Variants in DCLK2 observed in about 807,000 individuals in gnomAD.
DCLK2 encodes the protein doublecortin like kinase 2.
In DCLK2, 31 loss-of-function variants were observed where a neutral mutation model predicts 78.4. The ratio of observed to expected loss-of-function variants is 0.40; its 90% CI spans 0.30 to 0.53. DCLK2 has a LOEUF of 0.53. Ranked by LOEUF, DCLK2 falls within the 20% of genes least tolerant of loss-of-function variation. The pLI, the probability that DCLK2 is intolerant of heterozygous loss-of-function variation, is 0.61. For missense variants in DCLK2, 872 were observed against 973.7 expected, an observed-to-expected ratio of 0.90 and a Z score of 1.39; for synonymous variants, 407 against 374.9, an observed-to-expected ratio of 1.09 and a Z score of -0.99.
chr4:150,104,094 A>G (rs1013605109), intron 2 of DCLK2, among the ~76,000 whole-genome samples: 1 of 152,114 alleles, frequency 6.6e-6, no homozygotes, highest in African/African-American at 2.4e-5. Context: ...ATACCTAACC[A>G]AAGAAAAAAA....
intron 2 of DCLK2, among the ~76,000 whole-genome samples, chr4:150,187,188 A>G (rs1356158662): frequency 6.6e-6 from 1 of 152,012 alleles, no homozygotes; most frequent in Non-Finnish European, 1.5e-5. Flanking sequence ...GATTTTTGAG[A>G]CAGAGTCTTG....
chr4:150,252,151 T>C (rs1464530410), intron 15 of DCLK2, among the ~76,000 whole-genome samples: 1 of 152,226 alleles, frequency 6.6e-6, no homozygotes, highest in Non-Finnish European at 1.5e-5. Flanking sequence ...ACCATCTTGA[T>C]TGAGCCAACA....
Position 150,239,813 on chromosome 4 carries a change from C to T in DCLK2, c.1638C>T (p.Gly546=), listed in dbSNP as rs1275348739. 3 of 1,614,048 alleles carry T rather than the reference C, an allele frequency of 1.9e-6. No homozygotes were observed. In the African/African-American group the frequency reaches 4.0e-5, roughly 22 times the overall value. ...TTGGGCTTGCGACTGTGGTAGAAGG[C>T]CCTTTATACACAGTCTGTGGCACAC... ...GDFGLATVVE[G]PLYTVCGTPT... The change falls in exon 11 of 16, where the codon GGC becomes GGT. Residue 546 remains glycine, a synonymous_variant. Coordinates refer to ENST00000296550, the MANE Select transcript of DCLK2 (RefSeq NM_001040260.4).
At chr4:150,217,447 A>G (rs35861079) in intron 5 of DCLK2, among the ~76,000 whole-genome samples, 17,958 of 152,212 alleles carry the variant, frequency 0.12, 1,692 homozygotes, top group South Asian at 0.49. Context: ...AGCGATTCAA[A>G]CACAAGCTCA....
rs1349456608 is a variant in DCLK2, at chr4:150,116,981, C to T, written c.756+14169C>T. Among the ~76,000 whole-genome samples the T allele has an allele frequency of 5.3e-5, 8 of 152,066 alleles. No homozygotes were observed. In the South Asian group the frequency reaches 6.2e-4, roughly 12 times the overall value. ...TTATCCAGGGGAGATACTCTGGTGT[C>T]TTAGGCGATGGGCAGTGCCATAAGG... On this transcript the variant is annotated intron_variant, in intron 2 of 15. Coordinates refer to ENST00000296550, the MANE Select transcript of DCLK2 (RefSeq NM_001040260.4).
At chr4:150,187,562 T>C (rs1209539100) in intron 2 of DCLK2, among the ~76,000 whole-genome samples, 1 of 152,198 alleles carries the variant, frequency 6.6e-6, no homozygotes, top group Non-Finnish European at 1.5e-5. Context: ...CCTTCTGTGC[T>C]CTTTATCTTC....
Position 150,080,116 on chromosome 4 carries a change from C to A in DCLK2, c.421+668C>A, listed in dbSNP as rs560388895. Among the ~76,000 whole-genome samples, 15 of 150,126 alleles carry A rather than the reference C, an allele frequency of 1.0e-4. 1 individual carries two copies. The highest frequency in any genetic ancestry group is 9.2e-4 in the Admixed American group (14 of 15,146). ...AGGCGTCTGGAGTCTCAAAAGCCCC[C>A]CCCCCAGGTGATTCTAATGTGGGAC... On this transcript the variant is annotated intron_variant, in intron 1 of 15. Transcript: ENST00000296550.
At chr4:150,232,974 C>T in intron 10 of DCLK2, 146 bp downstream of exon 10, 1 of 994,456 alleles carries the variant, frequency 1.0e-6, no homozygotes, top group East Asian at 2.5e-5. Context: ...ATGTCAATGA[C>T]CATCAAATAC....
At chr4:150,220,631 G>A (rs1441282399) in intron 5 of DCLK2, 72 bp from the exon 6 acceptor site, 8 of 1,260,516 alleles carry the variant, frequency 6.3e-6, no homozygotes, top group South Asian at 3.8e-5. Context: ...TAAGCATTTT[G>A]TGTGTCAACG....
intron 2 of DCLK2, among the ~76,000 whole-genome samples, chr4:150,176,043 A>G (rs1425715375): frequency 6.6e-6 from 1 of 152,274 alleles, no homozygotes; most frequent in East Asian, 1.9e-4. Context: ...GCTGGAATTT[A>G]TTGCGGAAGT....
intron 10 of DCLK2, among the ~76,000 whole-genome samples, 170 bp downstream of exon 10, chr4:150,232,998 G>A (rs1742200532): frequency 6.6e-6 from 1 of 152,142 alleles, no homozygotes; most frequent in African/African-American, 2.4e-5. Flanking sequence ...TGGAGTTCTT[G>A]AATTTTTCTG....
intron 2 of DCLK2, among the ~76,000 whole-genome samples, chr4:150,148,304 G>T (rs186902652): frequency 2.0e-5 from 3 of 152,132 alleles, no homozygotes; most frequent in Non-Finnish European, 4.4e-5. Context: ...GGTTGAGGCT[G>T]TAGTGAGCTG....
At chr4:150,117,838 C>T (rs1281737421) in intron 2 of DCLK2, among the ~76,000 whole-genome samples, 1 of 152,152 alleles carries the variant, frequency 6.6e-6, no homozygotes, top group Non-Finnish European at 1.5e-5. Flanking sequence ...TCCTCTGTTG[C>T]TTCTTGGAAA....
At chr4:150,202,703 C>T (rs1283303608) in intron 4 of DCLK2, among the ~76,000 whole-genome samples, 1 of 152,106 alleles carries the variant, frequency 6.6e-6, no homozygotes, top group East Asian at 1.9e-4. Context: ...AGCAAATGAG[C>T]ATCTCTTTTC....
intron 15 of DCLK2, among the ~76,000 whole-genome samples, chr4:150,253,097 GTCCTCCTCATCCTCCTCA>G (rs56775129): frequency 1.5e-4 from 22 of 146,660 alleles, no homozygotes; most frequent in African/African-American, 2.7e-4. Flanking sequence ...CATCCTCCTC[GTCCTCCTCATCCTCCTCA>G]TCCTCCTCAT....
intron 1 of DCLK2, among the ~76,000 whole-genome samples, chr4:150,080,468 A>G (rs1729177712): frequency 6.6e-6 from 1 of 152,168 alleles, no homozygotes; most frequent in Admixed American, 6.5e-5. Context: ...ACCAGGCAGA[A>G]CCCAGGTATG....
intron 1 of DCLK2, among the ~76,000 whole-genome samples, chr4:150,091,804 T>C (rs547185237): frequency 1.3e-5 from 2 of 151,480 alleles, no homozygotes; most frequent in South Asian, 4.2e-4. Flanking sequence ...TGTGTGTGTG[T>C]GTGTATTTGT....
chr4:150,167,815 T>C (rs1031328601), intron 2 of DCLK2, among the ~76,000 whole-genome samples: 5 of 152,190 alleles, frequency 3.3e-5, no homozygotes, highest in African/African-American at 7.2e-5. Flanking sequence ...GGCTCAAGCA[T>C]GTGCACTAAG....
At chr4:150,237,235 A>G (rs535470891) in intron 10 of DCLK2, among the ~76,000 whole-genome samples, 9 of 49,316 alleles carry the variant, frequency 1.8e-4, no homozygotes, top group Admixed American at 4.1e-4. Flanking sequence ...AATTCTAACT[A>G]TAATTATATC....
Sources: gnomAD v4.1 joint callset for allele counts (sites outside exome capture counted in the v4.1 genomes callset) on GRCh38, gnomAD v4.1.1 for gene constraint, MANE v1.5 for transcripts, NCBI Gene and HGNC (gene_info 2026-07-23, HGNC 2026-07-21) for gene names.